NALCN: variants seen among roughly 807,000 people sequenced by gnomAD.
The protein encoded by NALCN is sodium leak channel NALCN.
NALCN carries 111 observed loss-of-function variants against 225.3 expected under a neutral mutation model. The observed-to-expected ratio is 0.49, with a 90% CI of 0.42 to 0.58. NALCN has a LOEUF of 0.58. Ranked by LOEUF, NALCN falls within the 20% of genes least tolerant of loss-of-function variation. NALCN has a pLI of 0.00. For synonymous variants in NALCN, 764 were observed against 769.0 expected, an observed-to-expected ratio of 0.99 and a Z score of 0.11; for missense variants, 1,378 against 2,202.4, an observed-to-expected ratio of 0.63 and a Z score of 7.49.
At position 101,322,652 on chromosome 13, in the gene NALCN, G is replaced by A. The variant is rs182830447; in HGVS notation, c.799+22614C>T. Among the ~76,000 whole-genome samples the A allele has an allele frequency of 4.6e-5, 7 of 152,190 alleles. No homozygotes were observed. In the East Asian group the frequency reaches 1.4e-3, roughly 29 times the overall value. ...TTTGTGATTTAAATAGAAACCACTTGTTTTAACTATTATAGAAGTATTGAA... is the reference window on the plus strand; with the variant it reads ...TTTGTGATTTAAATAGAAACCACTTATTTTAACTATTATAGAAGTATTGAA... On this transcript the variant is annotated intron_variant, in intron 7 of 43. Transcript: ENST00000251127.
intron 14 of NALCN, among the ~76,000 whole-genome samples, chr13:101,178,367 C>T (rs572006234): frequency 3.9e-5 from 6 of 152,268 alleles, no homozygotes; most frequent in East Asian, 3.9e-4. Context: ...AAAGGGGGGT[C>T]GGAAGGGATC....
At chr13:101,151,860 C>T (rs2037667385) in intron 15 of NALCN, among the ~76,000 whole-genome samples, 1 of 152,110 alleles carries the variant, frequency 6.6e-6, no homozygotes, top group Admixed American at 6.6e-5. Flanking sequence ...ATTATAAAAC[C>T]TTAATATGCA....
chr13:101,287,157 T>G (rs1426180256), intron 9 of NALCN, among the ~76,000 whole-genome samples: 1 of 152,234 alleles, frequency 6.6e-6, no homozygotes, highest in Non-Finnish European at 1.5e-5. Context: ...AAAAGCGGAC[T>G]TTCTTGGTCA....
chr13:101,085,257 C>A (rs2033874146), intron 30 of NALCN, among the ~76,000 whole-genome samples: 1 of 151,832 alleles, frequency 6.6e-6, no homozygotes, highest in African/African-American at 2.4e-5. Context: ...CTTAGAGTGT[C>A]TTTTGTCATT....
chr13:101,074,440 A>C (rs2033113862), intron 36 of NALCN, 74 bp downstream of exon 36: 4 of 1,362,516 alleles, frequency 2.9e-6, no homozygotes, highest in South Asian at 3.8e-5. Context: ...TAGACAAAAA[A>C]CATTTGTTTA....
intron 7 of NALCN, among the ~76,000 whole-genome samples, chr13:101,326,255 G>A (rs1328636807): frequency 6.6e-6 from 1 of 152,194 alleles, no homozygotes; most frequent in African/African-American, 2.4e-5. Context: ...CAGGTTCTGT[G>A]TTTGTACTTA....
chr13:101,074,951 C>T (rs1048189228), intron 35 of NALCN, among the ~76,000 whole-genome samples: 1 of 152,120 alleles, frequency 6.6e-6, no homozygotes, highest in Non-Finnish European at 1.5e-5. Context: ...AAGAGTAACA[C>T]TAAGCATTTT....
chr13:101,340,505 G>A (rs560242119), intron 7 of NALCN, among the ~76,000 whole-genome samples: 33 of 152,184 alleles, frequency 2.2e-4, no homozygotes, highest in Admixed American at 1.6e-3. Flanking sequence ...TTCATTCTGC[G>A]TTTGTTCTAC....
At chr13:101,177,433 G>T (rs1374983717) in intron 14 of NALCN, among the ~76,000 whole-genome samples, 3 of 94,616 alleles carry the variant, frequency 3.2e-5, no homozygotes, top group Admixed American at 9.3e-5. Flanking sequence ...ATATATATAT[G>T]GTAGAAGCTC....
At chr13:101,098,572 C>T (rs990599872) in intron 27 of NALCN, among the ~76,000 whole-genome samples, 2 of 152,168 alleles carry the variant, frequency 1.3e-5, no homozygotes, top group African/African-American at 4.8e-5. Flanking sequence ...AGTGCTCAGC[C>T]TCATACAAGA....
intron 13 of NALCN, among the ~76,000 whole-genome samples, chr13:101,194,652 C>A (rs1405475660): frequency 1.3e-5 from 2 of 152,120 alleles, no homozygotes; most frequent in Non-Finnish European, 2.9e-5. Context: ...AGTTTCTTCC[C>A]TTAAGAATTG....
chr13:101,300,247 A>G (rs2043904103), intron 7 of NALCN, among the ~76,000 whole-genome samples: 1 of 152,122 alleles, frequency 6.6e-6, no homozygotes, highest in Non-Finnish European at 1.5e-5. Flanking sequence ...CATCCTAGTG[A>G]ATAAAACCTC....
At chr13:101,162,396 G>A (rs962799454) in intron 15 of NALCN, among the ~76,000 whole-genome samples, 13 of 152,238 alleles carry the variant, frequency 8.5e-5, no homozygotes, top group East Asian at 1.9e-4. Context: ...CCAGAAGAAC[G>A]GAAAAGTACA....
chr13:101,216,313 A>G (rs1042107865), intron 13 of NALCN, among the ~76,000 whole-genome samples: 1 of 152,094 alleles, frequency 6.6e-6, no homozygotes, highest in Admixed American at 6.6e-5. Context: ...TACACAAAAG[A>G]TATATGATTT....
In NALCN at chr13:101,229,403, G is replaced by T; in HGVS notation, c.1616C>A (p.Thr539Lys). 6.3e-7 allele frequency: 1 copy of T among 1,576,080 alleles called. No individual in the cohort carries two copies. The highest frequency in any genetic ancestry group is 2.3e-5 in the East Asian group (1 of 42,862). The change falls in exon 13 of 44, where the codon ACG (threonine) becomes AAG (lysine). Residue 539 changes from threonine to lysine, a missense_variant. By Grantham distance (78) the Thr-to-Lys change is moderately conservative. This residue lies in a region of NALCN where 18 missense variants were observed against 18.0 expected (regional missense o/e 1.00). Coordinates refer to ENST00000251127, the MANE Select transcript of NALCN (RefSeq NM_052867.4). Reference sequence around the variant, plus strand: ...TTTTAAAACTCTTACCCTCGGAAACGTAGTAAATCTGTCCAGTTCTTCGAC... The same window carrying T: ...TTTTAAAACTCTTACCCTCGGAAACTTAGTAAATCTGTCCAGTTCTTCGAC... ...CFVEELDRFT[T>K]FPRAFMSMFQ...
chr13:101,371,149 T>C (rs1594754047), intron 6 of NALCN, among the ~76,000 whole-genome samples: 1 of 152,342 alleles, frequency 6.6e-6, no homozygotes, highest in Non-Finnish European at 1.5e-5. Flanking sequence ...AGTTTATCTA[T>C]CTGTTGATGG....
rs3916906 is a variant in NALCN at position 101,229,426 on chromosome 13, G to A, written c.1593C>T (p.Val531=). The A allele has an allele frequency of 0.33, 536,104 of 1,602,124 alleles. 95,758 individuals are homozygous for A. The highest frequency in any genetic ancestry group is 0.37 in the Non-Finnish European group (434,709 of 1,174,850). ...ACGTAGTAAATCTGTCCAGTTCTTC[G>A]ACAAAGCAGAACATCTGCAAACTAA... is the stretch of plus-strand genomic sequence containing the variant. ...SAISLQMFCF[V]EELDRFTTFP... is the part of the protein sequence containing the mutation. The change falls in exon 13 of 44, where the codon GTC becomes GTT. Residue 531 remains valine (V), a synonymous_variant. Coordinates refer to ENST00000251127, the MANE Select transcript of NALCN (RefSeq NM_052867.4).
chr13:101,055,763 T>TA (rs977393844), intron 43 of NALCN, among the ~76,000 whole-genome samples: 2 of 151,906 alleles, frequency 1.3e-5, no homozygotes, highest in African/African-American at 4.8e-5. Context: ...AGAAAATCAC[T>TA]AAAAAAATTC....
At chr13:101,351,294 C>T (rs1478990576) in intron 6 of NALCN, among the ~76,000 whole-genome samples, 1 of 152,190 alleles carries the variant, frequency 6.6e-6, no homozygotes, top group East Asian at 1.9e-4. Context: ...TAGTAGCTTC[C>T]ATGTATCAAA....
Sources: allele counts gnomAD v4.1 joint callset (sites outside exome capture counted in the v4.1 genomes callset), GRCh38; gene constraint gnomAD v4.1.1; regional missense constraint gnomAD v4.1.1; transcripts MANE v1.5; gene names NCBI Gene and HGNC (gene_info 2026-07-23, HGNC 2026-07-21).